SMOC2: variants seen among roughly 807,000 people sequenced by gnomAD.
The protein encoded by SMOC2 is SPARC-related modular calcium-binding protein 2.
Under a neutral mutation model 61.4 loss-of-function variants are expected in SMOC2, and 39 were observed. The ratio of observed to expected loss-of-function variants is 0.64; its 90% CI spans 0.49 to 0.83. The LOEUF (loss-of-function observed/expected upper bound fraction) is 0.83. Among genes scored for constraint, SMOC2 ranks in the 40% least tolerant of loss-of-function variants. The pLI is 0.00. For missense variants in SMOC2, 556 were observed against 592.9 expected, an observed-to-expected ratio of 0.94 and a Z score of 0.65; for synonymous variants, 247 against 239.9, an observed-to-expected ratio of 1.03 and a Z score of -0.27.
intron 1 of SMOC2, among the ~76,000 whole-genome samples, chr6:168,501,104 G>A (rs1206680205): frequency 3.3e-5 from 5 of 152,132 alleles, no homozygotes; most frequent in African/African-American, 9.7e-5. Flanking sequence ...ATAATCTTTC[G>A]TTGTCATTGC....
intron 7 of SMOC2, among the ~76,000 whole-genome samples, chr6:168,578,576 G>A (rs113733301): frequency 8.2e-4 from 125 of 152,226 alleles, no homozygotes; most frequent in African/African-American, 2.8e-3. Context: ...AGGTCCCCAG[G>A]GCTTCATGTA....
At chr6:168,500,901 G>C (rs1410843788) in intron 1 of SMOC2, among the ~76,000 whole-genome samples, 1 of 152,160 alleles carries the variant, frequency 6.6e-6, no homozygotes, top group African/African-American at 2.4e-5. Flanking sequence ...AATAAGGATG[G>C]TGCCTGAGGC....
chr6:168,584,739 A>T (rs1365240114), intron 7 of SMOC2, among the ~76,000 whole-genome samples: 1 of 152,196 alleles, frequency 6.6e-6, no homozygotes, highest in Non-Finnish European at 1.5e-5. Flanking sequence ...TTTCAGGCTT[A>T]TGTAGACATA....
chr6:168,570,523 T>A (rs1784641096), intron 7 of SMOC2, among the ~76,000 whole-genome samples: 1 of 152,202 alleles, frequency 6.6e-6, no homozygotes. Flanking sequence ...CACAGGGCCC[T>A]GTGTTGTGTG....
At chr6:168,533,135 C>A (rs936484837) in intron 4 of SMOC2, among the ~76,000 whole-genome samples, 1 of 152,086 alleles carries the variant, frequency 6.6e-6, no homozygotes, top group African/African-American at 2.4e-5. Context: ...TTCCTCTCTG[C>A]GGTCTGAATT....
At chr6:168,583,983 A>T (rs890147046) in intron 7 of SMOC2, among the ~76,000 whole-genome samples, 2 of 152,328 alleles carry the variant, frequency 1.3e-5, no homozygotes, top group South Asian at 2.1e-4. Flanking sequence ...CTGTGGTTGC[A>T]ACAGTAATTG....
chr6:168,444,526 T>C (rs1781289533), intron 1 of SMOC2, among the ~76,000 whole-genome samples: 1 of 152,228 alleles, frequency 6.6e-6, no homozygotes, highest in Admixed American at 6.5e-5. Flanking sequence ...GACTTTCTGA[T>C]GGCTTTGCAC....
At chr6:168,603,242 CTTTTTTTTTTTT>C (rs35236951) in intron 8 of SMOC2, among the ~76,000 whole-genome samples, 2 of 96,364 alleles carry the variant, frequency 2.1e-5, no homozygotes, top group African/African-American at 7.5e-5. Context: ...TCAATTAAAC[CTTTTTTTTTTTT>C]TTTTTTTTTT....
intron 10 of SMOC2, among the ~76,000 whole-genome samples, chr6:168,651,575 T>C (rs1787193610): frequency 6.6e-6 from 1 of 152,136 alleles, no homozygotes; most frequent in South Asian, 2.1e-4. Flanking sequence ...TGTTGGCCTT[T>C]CTCCCCATAG....
rs1363294176 is a variant in SMOC2, at chr6:168,519,252, TGTGC to T, written c.257-7085_257-7082del. 4.6e-5 allele frequency among the ~76,000 whole-genome samples: 7 copies of T among 152,122 alleles called. No homozygotes were observed. In the South Asian group the frequency reaches 8.3e-4, roughly 18 times the overall value. On this transcript the variant is annotated intron_variant, in intron 2 of 12. Transcript: ENST00000356284. ...GTATACGTGCATGTTTGTGTGTTCA[TGTGC>T]GTGCGTGCATGTGTGAGTGAGCATT...
At position 168,577,383 on chromosome 6, in the gene SMOC2, C is replaced by T. The variant is rs1186076127; in HGVS notation, c.638-21435C>T. Among the ~76,000 whole-genome samples, 5 of 152,330 alleles carry T rather than the reference C, an allele frequency of 3.3e-5. No homozygotes were observed. The East Asian group carries it at 9.7e-4, about 29-fold the overall frequency. The stretch of plus-strand genomic sequence containing the variant: ...ACAAGTGCTCTCTCTCTTTTAGTCT[C>T]TGTAAGACTCTGCTGGCACCTAAAC... On this transcript the variant is annotated intron_variant, in intron 7 of 12. Transcript: ENST00000356284.
intron 7 of SMOC2, among the ~76,000 whole-genome samples, chr6:168,586,331 TC>T (rs1785046612): frequency 6.6e-6 from 1 of 152,212 alleles, no homozygotes; most frequent in Admixed American, 6.5e-5. Context: ...AGCTTTTTAT[TC>T]TTTTCCAGTC....
chr6:168,600,422 C>A (rs12204744), intron 8 of SMOC2, among the ~76,000 whole-genome samples: 8,210 of 25,324 alleles, frequency 0.32, 1,664 homozygotes, highest in East Asian at 0.47. Context: ...AAAAAAAAAA[C>A]AAAAAAAAAA....
rs569761690 is a variant in SMOC2, at chr6:168,552,433, T to C, written c.637+3230T>C. Among the ~76,000 whole-genome samples the C allele has an allele frequency of 9.2e-5, 13 of 140,940 alleles. No homozygotes were observed. In the South Asian group the frequency reaches 2.9e-3, roughly 31 times the overall value. 92.5% of individuals were successfully genotyped at this position (140,940 alleles called of 152,430 possible). On this transcript the variant is annotated intron_variant, in intron 7 of 12. Transcript: ENST00000356284. Reference sequence around the variant, plus strand: ...CTTGTCAGTACCTTTTCCTGTTTTTTTATTAAAAAGGCCAAACTGAAAATG... The same window carrying C: ...CTTGTCAGTACCTTTTCCTGTTTTTCTATTAAAAAGGCCAAACTGAAAATG...
chr6:168,650,815 G>T, intron 10 of SMOC2, 32 bp downstream of exon 10: 4 of 1,580,970 alleles, frequency 2.5e-6, no homozygotes, highest in Non-Finnish European at 3.4e-6. Context: ...ACAACAAGTT[G>T]GCAGGGTCCC....
intron 7 of SMOC2, among the ~76,000 whole-genome samples, chr6:168,549,592 TGAGGAGGAGGAA>T (rs1784084336): frequency 6.6e-6 from 1 of 152,118 alleles, no homozygotes; most frequent in African/African-American, 2.4e-5. Context: ...TTGAGTGGGC[TGAGGAGGAGGAA>T]GAGGAGGAGG....
At chr6:168,550,094 A>C (rs553809081) in intron 7 of SMOC2, among the ~76,000 whole-genome samples, 3 of 152,300 alleles carry the variant, frequency 2.0e-5, no homozygotes, top group Admixed American at 6.5e-5. Context: ...ATTTTCATTT[A>C]GGCTCTCAGT....
intron 2 of SMOC2, among the ~76,000 whole-genome samples, chr6:168,520,545 T>C: frequency 6.6e-6 from 1 of 152,202 alleles, no homozygotes; most frequent in East Asian, 1.9e-4. Flanking sequence ...TCATAGCCAT[T>C]CAGTGACCTC....
chr6:168,456,378 A>G (rs1781587497), intron 1 of SMOC2, among the ~76,000 whole-genome samples: 1 of 152,184 alleles, frequency 6.6e-6, no homozygotes, highest in African/African-American at 2.4e-5. Flanking sequence ...TTCTCAGGCC[A>G]TGGGTCTGCC....
Sources: gnomAD v4.1 joint callset for allele counts (sites outside exome capture counted in the v4.1 genomes callset) on GRCh38, gnomAD v4.1.1 for gene constraint, MANE v1.5 for transcripts, NCBI Gene and HGNC (gene_info 2026-07-23, HGNC 2026-07-21) for gene names.